Variants in RNF150 observed in about 807,000 individuals in gnomAD.
RNF150 encodes ring finger protein 150.
A neutral mutation model predicts 39.3 loss-of-function variants in RNF150; 24 were observed. That is an observed-to-expected ratio of 0.61 (90% CI 0.44 to 0.86). The LOEUF is 0.86. RNF150 is among the 40% of genes least tolerant of loss of function. RNF150 has a pLI of 0.00. For missense variants in RNF150, 502 were observed against 587.8 expected, an observed-to-expected ratio of 0.85 and a Z score of 1.51; for synonymous variants, 255 against 227.3, an observed-to-expected ratio of 1.12 and a Z score of -1.10.
intron 6 of RNF150, among the ~76,000 whole-genome samples, chr4:140,893,756 C>G (rs920774800): frequency 6.6e-6 from 1 of 152,010 alleles, no homozygotes; most frequent in African/African-American, 2.4e-5. Context: ...TTGAGAAGAA[C>G]TGAAAAGGTA....
At chr4:140,917,643 T>A (rs1730895448) in intron 5 of RNF150, among the ~76,000 whole-genome samples, 1 of 151,942 alleles carries the variant, frequency 6.6e-6, no homozygotes, top group Admixed American at 6.5e-5. Context: ...AGACAGAAAG[T>A]TAACAAGGAT....
intron 1 of RNF150, among the ~76,000 whole-genome samples, chr4:141,052,490 C>T (rs1736814150): frequency 6.6e-6 from 1 of 152,170 alleles, no homozygotes; most frequent in African/African-American, 2.4e-5. Context: ...ATTCTCCTGC[C>T]TCAGCTTCCT....
chr4:141,160,721 G>A (rs1485578310), intron 1 of RNF150, among the ~76,000 whole-genome samples: 1 of 152,064 alleles, frequency 6.6e-6, no homozygotes, highest in East Asian at 1.9e-4. Context: ...AAAGTGTGTG[G>A]CACCTCCCCC....
At chr4:141,208,532 T>A (rs899489590) in intron 1 of RNF150, among the ~76,000 whole-genome samples, 1 of 152,240 alleles carries the variant, frequency 6.6e-6, no homozygotes, top group Admixed American at 6.5e-5. Flanking sequence ...TTTCTGTGTT[T>A]ATACAGAATC....
chr4:140,959,656 C>T (rs998464644), intron 2 of RNF150, among the ~76,000 whole-genome samples: 2 of 152,106 alleles, frequency 1.3e-5, no homozygotes, highest in Non-Finnish European at 2.9e-5. Flanking sequence ...TAACCTCGAA[C>T]AGGGAAGCAA....
chr4:140,951,382 A>C lies in RNF150; in HGVS notation c.736-2010T>G, dbSNP rs375702247. On this transcript the variant is annotated intron_variant, in intron 2 of 6. Transcript: ENST00000515673. ...TATTTTGATCTCTTATTCTGTGCCA[A>C]GTATAGCTTTGGGTTTAAAAAAATG... Among the ~76,000 whole-genome samples the C allele has an allele frequency of 4.6e-5, 7 of 152,262 alleles. No homozygotes were observed. In the East Asian group the frequency reaches 5.8e-4, roughly 13 times the overall value.
chr4:141,104,915 C>A (rs976383568), intron 1 of RNF150, among the ~76,000 whole-genome samples: 6 of 152,150 alleles, frequency 3.9e-5, no homozygotes, highest in Non-Finnish European at 7.3e-5. Flanking sequence ...CTCTCTTGTG[C>A]ACACACACAT....
At chr4:141,110,428 T>C (rs888632064) in intron 1 of RNF150, among the ~76,000 whole-genome samples, 3 of 151,990 alleles carry the variant, frequency 2.0e-5, no homozygotes, top group African/African-American at 7.3e-5. Context: ...AGAGAGTTTT[T>C]TGTTTGTTTT....
At chr4:141,161,231 A>G (rs773690884) in intron 1 of RNF150, among the ~76,000 whole-genome samples, 3 of 152,182 alleles carry the variant, frequency 2.0e-5, no homozygotes, top group African/African-American at 7.2e-5. Context: ...ATGCTTTAGC[A>G]AAAACCCCTG....
intron 2 of RNF150, among the ~76,000 whole-genome samples, chr4:140,962,410 G>A (rs1215950847): frequency 6.6e-6 from 1 of 150,928 alleles, no homozygotes; most frequent in East Asian, 2.0e-4. Flanking sequence ...ATATAATGAA[G>A]ATGTGTATAT....
Position 141,099,587 on chromosome 4 carries a change from T to C in RNF150, c.484+32738A>G, listed in dbSNP as rs575399795. Among the ~76,000 whole-genome samples the C allele has an allele frequency of 2.0e-5, 3 of 152,104 alleles. No individual in the cohort carries two copies. The East Asian group carries it at 5.8e-4, about 29-fold the overall frequency. ...GTATCTTCACCAAAAGTGAGGAAAA[T>C]TGGGCTCCTGGAAAGTTTCTCCTGC... On this transcript the variant is annotated intron_variant, in intron 1 of 6. Transcript: ENST00000515673.
At chr4:140,934,521 G>A (rs181817218) in intron 4 of RNF150, among the ~76,000 whole-genome samples, 6 of 152,154 alleles carry the variant, frequency 3.9e-5, no homozygotes, top group East Asian at 3.9e-4. Context: ...GTCCTTCTAC[G>A]AAAAGTCTGC....
intron 1 of RNF150, among the ~76,000 whole-genome samples, chr4:141,157,629 TCTC>T (rs1441868711): frequency 6.6e-6 from 1 of 151,844 alleles, no homozygotes; most frequent in African/African-American, 2.4e-5. Context: ...TTGGGCCTGA[TCTC>T]CTCTGTTGCT....
intron 1 of RNF150, among the ~76,000 whole-genome samples, chr4:141,149,720 G>A (rs926382721): frequency 1.3e-5 from 2 of 151,988 alleles, no homozygotes; most frequent in South Asian, 2.1e-4. Context: ...TATCTTTTTC[G>A]TATGACTTCT....
At chr4:140,882,921 C>T (rs1729429749) in intron 6 of RNF150, among the ~76,000 whole-genome samples, 1 of 152,022 alleles carries the variant, frequency 6.6e-6, no homozygotes, top group East Asian at 1.9e-4. Context: ...TAGGGAAGTA[C>T]TTATTATTTT....
intron 1 of RNF150, among the ~76,000 whole-genome samples, chr4:141,019,076 A>G (rs919450710): frequency 1.5e-5 from 2 of 136,692 alleles, no homozygotes; most frequent in Non-Finnish European, 3.2e-5. Flanking sequence ...ATATATATAT[A>G]TATATGGAAC....
intron 6 of RNF150, among the ~76,000 whole-genome samples, chr4:140,910,571 G>A (rs1048185965): frequency 6.6e-6 from 1 of 151,790 alleles, no homozygotes; most frequent in Non-Finnish European, 1.5e-5. Flanking sequence ...TGTGCACAGG[G>A]GTTTAGTGTC....
intron 2 of RNF150, 64 bp downstream of exon 2, chr4:140,967,559 T>G (rs565627443): frequency 4.6e-5 from 67 of 1,449,974 alleles, no homozygotes; most frequent in Non-Finnish European, 6.0e-5. Flanking sequence ...TCTGTCATGT[T>G]CAAAGATGTT....
chr4:140,893,325 A>G (rs1199824345), intron 6 of RNF150, among the ~76,000 whole-genome samples: 1 of 152,196 alleles, frequency 6.6e-6, no homozygotes, highest in East Asian at 1.9e-4. Context: ...TTATCACTTG[A>G]ATGTACTGAA....
Sources: allele counts gnomAD v4.1 joint callset (sites outside exome capture counted in the v4.1 genomes callset), GRCh38; gene constraint gnomAD v4.1.1; transcripts MANE v1.5; gene names NCBI Gene and HGNC (gene_info 2026-07-23, HGNC 2026-07-21).